The following HDAC9 variants were observed in gnomAD, a reference collection of about 807,000 sequenced individuals.
HDAC9 encodes MEF-2 interacting transcription repressor (MITR) protein.
HDAC9 carries 41 observed loss-of-function variants against 139.4 expected under a neutral mutation model. The observed-to-expected ratio is 0.29, with a 90% CI of 0.23 to 0.38. HDAC9 has a LOEUF of 0.38. Among genes scored for constraint, HDAC9 ranks in the 10% least tolerant of loss-of-function variants. HDAC9 has a pLI of 1.00. For synonymous variants in HDAC9, 517 were observed against 476.2 expected, an observed-to-expected ratio of 1.09 and a Z score of -1.12; for missense variants, 1,147 against 1,297.0, an observed-to-expected ratio of 0.88 and a Z score of 1.78.
At chr7:18,241,069 G>A (rs570440780) in intron 2 of HDAC9, among the ~76,000 whole-genome samples, 15 of 152,258 alleles carry the variant, frequency 9.9e-5, no homozygotes, top group African/African-American at 3.6e-4. Context: ...GGGCTTCCCA[G>A]GTTCTAGAAT....
chr7:18,609,025 G>A (rs1467207477), intron 6 of HDAC9, among the ~76,000 whole-genome samples: 1 of 152,044 alleles, frequency 6.6e-6, no homozygotes, highest in Non-Finnish European at 1.5e-5. Context: ...TTTTTTGGTT[G>A]TAAGCCTTCA....
chr7:18,192,377 A>T (rs1790410613), intron 2 of HDAC9, among the ~76,000 whole-genome samples: 2 of 152,158 alleles, frequency 1.3e-5, no homozygotes, highest in Non-Finnish European at 2.9e-5. Flanking sequence ...TTTGTTATGG[A>T]TAAAAGGGAG....
At chr7:18,864,124 C>G (rs1336017250) in intron 21 of HDAC9, among the ~76,000 whole-genome samples, 1 of 152,150 alleles carries the variant, frequency 6.6e-6, no homozygotes, top group African/African-American at 2.4e-5. Context: ...TCATATTAAA[C>G]AACTTAAGTG....
At chr7:18,491,580 C>G (rs1021348188), upstream of HDAC9, among the ~76,000 whole-genome samples, 4 of 151,942 alleles carry the variant, frequency 2.6e-5, no homozygotes, top group Admixed American at 1.3e-4. Flanking sequence ...AACCGAGATC[C>G]TGATAAATTT....
chr7:18,698,587 A>G (rs1352969604), intron 12 of HDAC9, among the ~76,000 whole-genome samples: 3 of 152,192 alleles, frequency 2.0e-5, no homozygotes, highest in Admixed American at 6.5e-5. Context: ...GCTTTATGGT[A>G]TCAAAGGCCT....
intron 21 of HDAC9, among the ~76,000 whole-genome samples, chr7:18,849,591 A>G (rs1282497513): frequency 6.6e-6 from 1 of 152,206 alleles, no homozygotes; most frequent in African/African-American, 2.4e-5. Context: ...AACTCTTACA[A>G]TTAGCAACTA....
At chr7:18,639,397 C>A (rs1299994571) in intron 8 of HDAC9, among the ~76,000 whole-genome samples, 1 of 151,990 alleles carries the variant, frequency 6.6e-6, no homozygotes. Context: ...AAAGTAAGAT[C>A]TTTAACAAAA....
intron 6 of HDAC9, among the ~76,000 whole-genome samples, chr7:18,614,487 A>G (rs373697706): frequency 7.2e-5 from 11 of 152,198 alleles, no homozygotes; most frequent in African/African-American, 2.6e-4. Flanking sequence ...AGTAGGAAGC[A>G]TCTTTTCAGA....
At chr7:18,122,040 A>C (rs1784395208) in intron 1 of HDAC9, among the ~76,000 whole-genome samples, 1 of 152,204 alleles carries the variant, frequency 6.6e-6, no homozygotes, top group East Asian at 1.9e-4. Flanking sequence ...GTTCCCCAGA[A>C]ACCAACTTCA....
intron 1 of HDAC9, among the ~76,000 whole-genome samples, chr7:18,435,370 A>G (rs911888284): frequency 3.3e-5 from 5 of 152,028 alleles, no homozygotes; most frequent in Admixed American, 1.3e-4. Flanking sequence ...CAATTTACCT[A>G]TGTAACAAAC....
intron 22 of HDAC9, chr7:18,906,977 T>C (rs1423131759): frequency 6.6e-6 from 1 of 152,194 alleles, no homozygotes; most frequent in Non-Finnish European, 1.5e-5. Context: ...GGAAGTATAC[T>C]TGGGGAAAGA....
intron 21 of HDAC9, among the ~76,000 whole-genome samples, chr7:18,869,445 T>C (rs1798746767): frequency 6.6e-6 from 1 of 152,072 alleles, no homozygotes; most frequent in African/African-American, 2.4e-5. Flanking sequence ...TTTGTAAGTT[T>C]CCTGAGGCCT....
intron 13 of HDAC9, among the ~76,000 whole-genome samples, chr7:18,747,290 A>G (rs1788059468): frequency 6.6e-6 from 1 of 152,204 alleles, no homozygotes; most frequent in Admixed American, 6.5e-5. Context: ...AATAGAGTGA[A>G]AGTCAGGTTC....
intron 2 of HDAC9, among the ~76,000 whole-genome samples, chr7:18,503,228 T>C (rs942369381): frequency 1.3e-5 from 2 of 152,204 alleles, no homozygotes; most frequent in African/African-American, 2.4e-5. Flanking sequence ...GAAAGGAAGC[T>C]GAAGTGAGTG....
intron 1 of HDAC9, among the ~76,000 whole-genome samples, chr7:18,351,194 A>G (rs907483127): frequency 3.3e-5 from 5 of 152,294 alleles, no homozygotes; most frequent in Middle Eastern, 3.4e-3. Context: ...TTTACAAGAT[A>G]AAATGTAATA....
intron 17 of HDAC9, among the ~76,000 whole-genome samples, chr7:18,802,573 A>G (rs1426106668): frequency 8.6e-5 from 13 of 151,882 alleles, no homozygotes. Flanking sequence ...GGATTTTTGC[A>G]AGATTCTATA....
chr7:18,121,796 C>A (rs1010392641), intron 1 of HDAC9, among the ~76,000 whole-genome samples: 4 of 151,684 alleles, frequency 2.6e-5, no homozygotes, highest in Non-Finnish European at 5.9e-5. Context: ...ATTCTTTTTA[C>A]AGGCATTACT....
At chr7:18,470,292 G>A (rs1586131309) in intron 1 of HDAC9, among the ~76,000 whole-genome samples, 1 of 151,840 alleles carries the variant, frequency 6.6e-6, no homozygotes, top group East Asian at 1.9e-4. Context: ...CAACCTGGGT[G>A]ACAGAGGGAG....
At chr7:18,895,852 A>G (rs1309509059) in intron 22 of HDAC9, among the ~76,000 whole-genome samples, 1 of 152,100 alleles carries the variant, frequency 6.6e-6, no homozygotes, top group African/African-American at 2.4e-5. Flanking sequence ...CTTGAAATGC[A>G]GCTTAGTAAC....
Sources: allele counts gnomAD v4.1 joint callset (sites outside exome capture counted in the v4.1 genomes callset), GRCh38; gene constraint gnomAD v4.1.1; transcripts MANE v1.5; gene names NCBI Gene and HGNC (gene_info 2026-07-23, HGNC 2026-07-21).